The following TNPO1 variants were observed in gnomAD, a reference collection of about 807,000 sequenced individuals.
TNPO1 encodes transportin 1, also known as transportin-1.
Under a neutral mutation model 119.5 loss-of-function variants are expected in TNPO1, and 8 were observed. That is an observed-to-expected ratio of 0.07 (90% CI 0.04 to 0.12). The LOEUF (loss-of-function observed/expected upper bound fraction) is 0.12, where lower values mean the gene tolerates loss of function less well. TNPO1 is among the 10% of genes least tolerant of loss of function. TNPO1 has a pLI of 1.00. For synonymous variants in TNPO1, 362 were observed against 363.0 expected, an observed-to-expected ratio of 1.00 and a Z score of 0.03; for missense variants, 576 against 1,089.8, an observed-to-expected ratio of 0.53 and a Z score of 6.64.
chr5:72,911,549 C>G lies in TNPO1; in HGVS notation c.*2876C>G, dbSNP rs991579261. The G allele has an allele frequency of 2.0e-5, 3 of 152,490 alleles. No individual in the cohort carries two copies. Among genetic ancestry groups the G allele is most frequent in the Non-Finnish European group, 4.4e-5 (3 of 67,942 alleles). The allele number at this position is 152,490 out of a possible 1,614,324, so 9.4% of individuals were successfully genotyped here. On this transcript the variant is annotated 3_prime_UTR_variant, in exon 25 of 25. Coordinates refer to ENST00000337273, the MANE Select transcript of TNPO1 (RefSeq NM_002270.4). ...GATTTAGCATTTATTCTGATAAAATCTAATACATCATGGGATATATATAAA... is the reference window on the plus strand; with the variant it reads ...GATTTAGCATTTATTCTGATAAAATGTAATACATCATGGGATATATATAAA...
At chr5:72,896,407 C>T (rs747700307) in intron 18 of TNPO1, 51 bp from the exon 19 acceptor site, 34 of 1,290,468 alleles carry the variant, frequency 2.6e-5, no homozygotes, top group Non-Finnish European at 3.5e-5. Flanking sequence ...CTTTAAAGTA[C>T]AATATACTGC....
At chr5:72,882,777 A>T (rs1049960745) in intron 10 of TNPO1, among the ~76,000 whole-genome samples, 4 of 152,144 alleles carry the variant, frequency 2.6e-5, no homozygotes, top group Admixed American at 2.6e-4. Context: ...AAACATTCTT[A>T]TATATGCTGC....
chr5:72,893,495 C>A lies in TNPO1; in HGVS notation c.2015C>A (p.Ala672Asp). 3 of 1,614,132 alleles carry A rather than the reference C, an allele frequency of 1.9e-6. No individual in the cohort carries two copies. The highest frequency in any genetic ancestry group is 1.7e-6 in the Non-Finnish European group (2 of 1,180,030). ...GLGGNIEQLV[A>D]RSNILTLMYQ... is the part of the protein sequence containing the mutation. ...GGAGGCAACATTGAACAGCTGGTAG[C>A]CCGAAGTAACATCCTGACACTAATG... The change falls in exon 17 of 25, where the codon GCC (alanine) becomes GAC (aspartate). Residue 672 changes from alanine (A) to aspartate (D), a missense_variant. Ala to Asp is a moderately radical substitution (Grantham distance 126). Around this residue, in one of 6 missense-constraint regions of TNPO1, gnomAD observed 162 missense variants for 294.1 expected, o/e 0.55. Transcript: ENST00000337273.
chr5:72,848,570 G>C, intron 2 of TNPO1, 72 bp downstream of exon 2: 1 of 958,628 alleles, frequency 1.0e-6, no homozygotes. Context: ...CGGCGGCCGG[G>C]GGCTCCCGTC....
rs1463079576 is a variant in TNPO1, at chr5:72,888,295, T to C, written c.1521T>C (p.Ala507=). The change falls in exon 13 of 25, where the codon GCT becomes GCC. Residue 507 remains alanine (A), a synonymous_variant. Transcript: ENST00000337273. Reference sequence around the variant, plus strand: ...ACAGCAACAAGAGAGTACAAGAAGCTGCCTGCAGGTGGGACAGATTCATAA... The same window carrying C: ...ACAGCAACAAGAGAGTACAAGAAGCCGCCTGCAGGTGGGACAGATTCATAA... ...ILDSNKRVQE[A]ACSAFATLEE... is the part of the protein sequence containing the mutation. 1 of 1,613,714 alleles carries C rather than the reference T, an allele frequency of 6.2e-7. No homozygotes were observed. The highest frequency in any genetic ancestry group is 8.5e-7 in the Non-Finnish European group (1 of 1,179,664).
At chr5:72,851,152 C>T in intron 2 of TNPO1, 92 bp from the exon 3 acceptor site, 1 of 772,502 alleles carries the variant, frequency 1.3e-6, no homozygotes, top group Non-Finnish European at 2.2e-6. Context: ...ACTGAAAATA[C>T]CACCAAAGAG....
At chr5:72,856,371 A>T (rs1388602859) in intron 4 of TNPO1, among the ~76,000 whole-genome samples, 1 of 152,064 alleles carries the variant, frequency 6.6e-6, no homozygotes, top group Non-Finnish European at 1.5e-5. Flanking sequence ...AGCTGTGATT[A>T]CAGGCACCCG....
chr5:72,864,094 C>G (rs1185145667), intron 5 of TNPO1, among the ~76,000 whole-genome samples: 1 of 151,642 alleles, frequency 6.6e-6, no homozygotes, highest in East Asian at 1.9e-4. Context: ...GTAACAAGTT[C>G]ACATTTAATT....
chr5:72,855,674 A>G, intron 3 of TNPO1, 100 bp from the exon 4 acceptor site: 2 of 967,504 alleles, frequency 2.1e-6, no homozygotes, highest in Non-Finnish European at 1.5e-6. Flanking sequence ...GCAAGTTTGA[A>G]TGTCAATCAA....
chr5:72,913,841 A>G lies in TNPO1; in HGVS notation c.*5168A>G, dbSNP rs976827779. 6.6e-6 allele frequency: 1 copy of G among 152,574 alleles called. No individual in the cohort carries two copies. Among genetic ancestry groups the G allele is most frequent in the African/African-American group, 2.4e-5 (1 of 41,456 alleles). 9.5% of individuals were successfully genotyped at this position (152,574 alleles called of 1,614,324 possible). A position where few individuals can be genotyped will look rare whatever the true frequency, so the allele number is the denominator to read the frequency against. On this transcript the variant is annotated 3_prime_UTR_variant, in exon 25 of 25. Transcript: ENST00000337273. ...TTGAGCTTGGGTGATTTTTATGGAG[A>G]CAATAATTAGACAATACTGTATAAT...
rs2112519964 is a variant in TNPO1 at position 72,908,880 on chromosome 5, A to T, written c.*207A>T. 2.2e-6 allele frequency: 1 copy of T among 454,098 alleles called. No individual in the cohort carries two copies. The highest frequency in any genetic ancestry group is 2.4e-5 in the Admixed American group (1 of 42,270). The allele number at this position is 454,098 out of a possible 1,614,324, so 28.1% of individuals were successfully genotyped here. On this transcript the variant is annotated 3_prime_UTR_variant, in exon 25 of 25. Coordinates refer to ENST00000337273, the MANE Select transcript of TNPO1 (RefSeq NM_002270.4). ...TTAAGTCGATGTTGGGAAACGTTTT[A>T]ACATCTGGAGCCTTTGTGGGTGGAA...
intron 1 of TNPO1, 146 bp from the exon 2 acceptor site, chr5:72,848,239 G>T: frequency 4.0e-6 from 5 of 1,260,322 alleles, no homozygotes; most frequent in Non-Finnish European, 5.0e-6. Flanking sequence ...TTCCTTCGGG[G>T]CACCTCAGGC....
chr5:72,899,589 GA>G (rs1197152288), intron 20 of TNPO1, among the ~76,000 whole-genome samples: 3 of 152,014 alleles, frequency 2.0e-5, no homozygotes, highest in Admixed American at 6.6e-5. Flanking sequence ...ATTTTCTCAT[GA>G]AAAAAACTAT....
At chr5:72,878,530 G>A (rs1747990783) in intron 9 of TNPO1, 1 of 150,394 alleles carries the variant, frequency 6.6e-6, no homozygotes, top group South Asian at 2.1e-4. Flanking sequence ...GTACTTGAAT[G>A]TTCCTATTTT....
At chr5:72,904,281 G>A (rs944194165) in intron 23 of TNPO1, among the ~76,000 whole-genome samples, 8 of 152,296 alleles carry the variant, frequency 5.3e-5, no homozygotes, top group African/African-American at 1.9e-4. Context: ...CTCAAAGCTT[G>A]TGTATTTGCA....
Position 72,889,859 on chromosome 5 carries a change from G to A in TNPO1, c.1603G>A (p.Val535Ile), listed in dbSNP as rs1748922050. 6.2e-7 allele frequency: 1 copy of A among 1,613,002 alleles called. No homozygotes were observed. Among genetic ancestry groups the A allele is most frequent in the African/African-American group, 1.3e-5 (1 of 74,634 alleles). The change falls in exon 14 of 25, where the codon GTC becomes ATC. Residue 535 changes from valine to isoleucine, a missense_variant. By Grantham distance (29) the Val-to-Ile change is conservative. Around this residue, in one of 6 missense-constraint regions of TNPO1, gnomAD observed 23 missense variants for 105.8 expected, o/e 0.22. Transcript: ENST00000337273. The part of the protein sequence containing the change: ...PYLAYILDTL[V>I]FAFSKYQHKN... ...CCTTGCTTATATACTTGATACCCTG[G>A]TCTTTGCATTTAGTAAATACCAGCA...
chr5:72,861,687 G>C (rs1718504737), intron 4 of TNPO1, 121 bp from the exon 5 acceptor site: 1 of 681,276 alleles, frequency 1.5e-6, no homozygotes, highest in Non-Finnish European at 2.5e-6. Context: ...TACAGCATGA[G>C]CCACCATGCC....
At chr5:72,883,462 C>A (rs1027485158) in intron 11 of TNPO1, among the ~76,000 whole-genome samples, 1 of 152,158 alleles carries the variant, frequency 6.6e-6, no homozygotes, top group Non-Finnish European at 1.5e-5. Flanking sequence ...AACTACTAGT[C>A]AATATTCTGT....
chr5:72,898,105 T>A (rs1479535748), intron 20 of TNPO1, among the ~76,000 whole-genome samples: 1 of 152,108 alleles, frequency 6.6e-6, no homozygotes, highest in Non-Finnish European at 1.5e-5. Flanking sequence ...ATTTTCTTGC[T>A]GAAAAGTACA....
Sources: gnomAD v4.1 joint callset for allele counts (sites outside exome capture counted in the v4.1 genomes callset) on GRCh38, gnomAD v4.1.1 for gene constraint, gnomAD v4.1.1 regional missense constraint, MANE v1.5 for transcripts, NCBI Gene and HGNC (gene_info 2026-07-23, HGNC 2026-07-21) for gene names.